Variants in PDE4D observed in about 807,000 individuals in gnomAD.
PDE4D encodes the protein 3',5'-cyclic-AMP phosphodiesterase 4D.
Under a neutral mutation model 87.4 loss-of-function variants are expected in PDE4D, and 24 were observed. The ratio of observed to expected loss-of-function variants is 0.27; its 90% CI spans 0.20 to 0.39. The LOEUF (loss-of-function observed/expected upper bound fraction) is 0.39, where lower values mean the gene tolerates loss of function less well. Among genes scored for constraint, PDE4D ranks in the 10% least tolerant of loss-of-function variants. The pLI, the probability that PDE4D is intolerant of heterozygous loss-of-function variation, is 1.00. For missense variants in PDE4D, 714 were observed against 1,041.0 expected (o/e 0.69, Z 4.32); for synonymous variants, 384 against 383.2 (o/e 1.00, Z -0.02).
intron 2 of PDE4D, among the ~76,000 whole-genome samples, chr5:60,118,030 G>C (rs1353915791): frequency 6.6e-6 from 1 of 152,054 alleles, no homozygotes; most frequent in African/African-American, 2.4e-5. Context: ...TGTATATCTT[G>C]TGGCAATTTA....
chr5:59,331,978 T>C (rs1176077373), intron 1 of PDE4D, among the ~76,000 whole-genome samples: 1 of 152,220 alleles, frequency 6.6e-6, no homozygotes, highest in Non-Finnish European at 1.5e-5. Context: ...CCCATTTACC[T>C]GGCTCTCCTA....
intron 1 of PDE4D, chr5:59,529,337 A>T (rs1813728956): frequency 3.4e-6 from 1 of 294,638 alleles, no homozygotes; most frequent in African/African-American, 2.2e-5. Context: ...AAGAAAATGG[A>T]ATTTCACTTG....
intron 1 of PDE4D, among the ~76,000 whole-genome samples, chr5:59,756,121 A>T (rs1761180748): frequency 6.6e-6 from 1 of 151,850 alleles, no homozygotes; most frequent in South Asian, 2.1e-4. Context: ...GAAAAATGGT[A>T]CTTAATTTCT....
intron 1 of PDE4D, among the ~76,000 whole-genome samples, chr5:60,391,639 C>T (rs1437673504): frequency 2.6e-5 from 4 of 152,098 alleles, no homozygotes; most frequent in Non-Finnish European, 4.4e-5. Flanking sequence ...CTTTTCCTGC[C>T]TACCTTTTAA....
intron 1 of PDE4D, among the ~76,000 whole-genome samples, chr5:59,817,158 C>T (rs9292214): frequency 0.053 from 8,056 of 152,268 alleles, 247 homozygotes; most frequent in African/African-American, 0.069. Flanking sequence ...TCCCAGCTGA[C>T]GGAAACGTGA....
intron 1 of PDE4D, among the ~76,000 whole-genome samples, chr5:59,272,337 A>T (rs77280443): frequency 2.6e-5 from 4 of 152,060 alleles, no homozygotes; most frequent in Non-Finnish European, 5.9e-5. Flanking sequence ...ATGTTTATAA[A>T]TGTTTATAAA....
At chr5:59,939,239 T>C (rs1003697438) in intron 3 of PDE4D, among the ~76,000 whole-genome samples, 1 of 152,192 alleles carries the variant, frequency 6.6e-6, no homozygotes, top group African/African-American at 2.4e-5. Flanking sequence ...GTGTGTGTAG[T>C]AAGGAGTGTT....
At chr5:59,023,467 CAA>C (rs3060391) in intron 6 of PDE4D, among the ~76,000 whole-genome samples, 83,296 of 128,596 alleles carry the variant, frequency 0.65, 25,494 homozygotes, top group Admixed American at 0.72. Context: ...CCTGTCTCTA[CAA>C]AAAAAAAAAA....
At chr5:59,544,931 A>G (rs1449680498) in intron 1 of PDE4D, among the ~76,000 whole-genome samples, 1 of 152,174 alleles carries the variant, frequency 6.6e-6, no homozygotes, top group Admixed American at 6.6e-5. Context: ...TCTAGCACTC[A>G]CTACATCTCA....
intron 1 of PDE4D, among the ~76,000 whole-genome samples, chr5:60,233,627 A>G (rs1424940647): frequency 6.6e-6 from 1 of 151,822 alleles, no homozygotes; most frequent in East Asian, 1.9e-4. Flanking sequence ...TTGAAATAAA[A>G]GGTAATTTTC....
At chr5:59,830,963 G>T (rs1741109006) in intron 1 of PDE4D, among the ~76,000 whole-genome samples, 1 of 152,038 alleles carries the variant, frequency 6.6e-6, no homozygotes, top group South Asian at 2.1e-4. Context: ...CAGATAGCAA[G>T]AAGCTGTAAA....
chr5:59,355,169 C>G (rs887825185), intron 1 of PDE4D, among the ~76,000 whole-genome samples: 3 of 152,092 alleles, frequency 2.0e-5, no homozygotes, highest in African/African-American at 7.2e-5. Flanking sequence ...AGAACTTGAC[C>G]AAAGGAACCT....
At chr5:59,901,177 C>A (rs1752220086) in intron 3 of PDE4D, among the ~76,000 whole-genome samples, 1 of 152,116 alleles carries the variant, frequency 6.6e-6, no homozygotes, top group African/African-American at 2.4e-5. Context: ...TGGATTTGAG[C>A]CTCGTCAAGC....
intron 2 of PDE4D, among the ~76,000 whole-genome samples, chr5:60,131,596 C>G (rs1779588185): frequency 6.6e-6 from 1 of 152,178 alleles, no homozygotes; most frequent in Non-Finnish European, 1.5e-5. Flanking sequence ...ATTTGCAAGG[C>G]CTAGTGGCCC....
chr5:59,492,910 G>T (rs1806476769), intron 1 of PDE4D, among the ~76,000 whole-genome samples: 1 of 152,102 alleles, frequency 6.6e-6, no homozygotes, highest in Admixed American at 6.6e-5. Flanking sequence ...ATCCATATAA[G>T]ACGCGACTTG....
chr5:59,260,828 A>C (rs1404784454), intron 1 of PDE4D, among the ~76,000 whole-genome samples: 1 of 151,778 alleles, frequency 6.6e-6, no homozygotes, highest in Non-Finnish European at 1.5e-5. Flanking sequence ...AATTCAATTA[A>C]AATCTTATAA....
intron 1 of PDE4D, among the ~76,000 whole-genome samples, chr5:60,421,899 A>G (rs192836381): frequency 2.0e-5 from 3 of 152,256 alleles, no homozygotes; most frequent in Non-Finnish European, 4.4e-5. Flanking sequence ...TGATGCATGC[A>G]CAAGCTTCAA....
At chr5:60,049,592 C>A (rs1191398601) in intron 2 of PDE4D, among the ~76,000 whole-genome samples, 2 of 152,120 alleles carry the variant, frequency 1.3e-5, no homozygotes, top group Non-Finnish European at 2.9e-5. Flanking sequence ...ACAGACAGGA[C>A]CCTCAGCTGC....
chr5:60,009,166 T>C lies in PDE4D; in HGVS notation c.43-20449A>G, dbSNP rs144082353. Among the ~76,000 whole-genome samples, 840 of 152,142 alleles carry C rather than the reference T, an allele frequency of 5.5e-3. 10 individuals are homozygous for C. The highest frequency in any genetic ancestry group is 0.019 in the African/African-American group (806 of 41,552). On this transcript the variant is annotated intron_variant, in intron 2 of 16. Transcript: ENST00000502484. ...CTACATCTTAAGCATAAGTTCATCA[T>C]GGAAGGTTTTTATCAAACGTTGAAA...
Sources: gnomAD v4.1 joint callset for allele counts (sites outside exome capture counted in the v4.1 genomes callset) on GRCh38, gnomAD v4.1.1 for gene constraint, MANE v1.5 for transcripts, NCBI Gene and HGNC (gene_info 2026-07-23, HGNC 2026-07-21) for gene names.